The following EMC3 variants were observed in gnomAD, a reference collection of about 807,000 sequenced individuals.
EMC3 encodes the protein ER membrane protein complex subunit 3, also known as 30 kDa protein.
EMC3 carries 13 observed loss-of-function variants against 36.6 expected under a neutral mutation model. The ratio of observed to expected loss-of-function variants is 0.35; its 90% CI spans 0.23 to 0.56. EMC3 has a LOEUF of 0.56. EMC3 is among the 20% of genes least tolerant of loss of function. The probability of loss-of-function intolerance (pLI) is 0.84; values close to 1 mark genes in which losing one functional copy is unlikely to be tolerated. For synonymous variants in EMC3, 120 were observed against 111.9 expected (o/e 1.07, Z -0.46); for missense variants, 220 against 324.5 (o/e 0.68, Z 2.47).
At chr3:10,007,341 C>T in intron 1 of EMC3, 1 of 1,336,046 alleles carries the variant, frequency 7.5e-7, no homozygotes, top group South Asian at 1.2e-5. Context: ...CTGCCTGTGT[C>T]AATCATGCTG....
At chr3:9,980,761 A>T (rs749685265) in intron 1 of EMC3, among the ~76,000 whole-genome samples, 1 of 152,070 alleles carries the variant, frequency 6.6e-6, no homozygotes, top group Non-Finnish European at 1.5e-5. Context: ...CCTAAGCACT[A>T]GATTAATAGT....
chr3:10,005,699 C>T (rs745616348), intron 1 of EMC3, among the ~76,000 whole-genome samples: 13 of 152,284 alleles, frequency 8.5e-5, no homozygotes, highest in African/African-American at 2.4e-4. Flanking sequence ...TGATACCATA[C>T]GAAGAGCCAC....
At chr3:9,997,665 G>A (rs2086143733) in intron 1 of EMC3, among the ~76,000 whole-genome samples, 1 of 151,530 alleles carries the variant, frequency 6.6e-6, no homozygotes, top group Non-Finnish European at 1.5e-5. Flanking sequence ...TCATCATGTT[G>A]GCCAGGCTGG....
At chr3:10,000,826 C>T (rs2086189756) in intron 1 of EMC3, 2 of 491,912 alleles carry the variant, frequency 4.1e-6, no homozygotes, top group South Asian at 1.5e-5. Flanking sequence ...AACAGCCTGA[C>T]CTGTCTTCCG....
chr3:10,004,619 G>A (rs933088201), intron 1 of EMC3: 1 of 152,294 alleles, frequency 6.6e-6, no homozygotes, highest in Admixed American at 6.5e-5. Flanking sequence ...TTGCCCTTGG[G>A]AGTCCTGTTT....
At chr3:9,970,111 CA>C (rs911001154) in intron 6 of EMC3, among the ~76,000 whole-genome samples, 28 of 152,324 alleles carry the variant, frequency 1.8e-4, no homozygotes, top group African/African-American at 6.3e-4. Flanking sequence ...TATTTTTCCT[CA>C]TCTGTTCCTA....
chr3:9,981,582 G>C (rs928543281), intron 1 of EMC3: 5 of 236,310 alleles, frequency 2.1e-5, no homozygotes, highest in Non-Finnish European at 4.3e-5. Context: ...TGCAACTGAA[G>C]GACATCTTTT....
chr3:9,966,856 A>C (rs2085740699), intron 7 of EMC3, among the ~76,000 whole-genome samples: 1 of 152,206 alleles, frequency 6.6e-6, no homozygotes, highest in African/African-American at 2.4e-5. Context: ...ATTAAGGTGT[A>C]AGCCACTGCG....
chr3:9,977,563 G>T, intron 1 of EMC3, 117 bp from the exon 2 acceptor site: 1 of 782,770 alleles, frequency 1.3e-6, no homozygotes, highest in Non-Finnish European at 2.0e-6. Flanking sequence ...CAACAGCTCT[G>T]TGTGGAAACT....
rs769033573 is a variant in EMC3 at position 9,976,985 on chromosome 3, C to T, written c.279G>A (p.Arg93=). The change falls in exon 3 of 8, where the codon CGG becomes CGA. Residue 93 remains arginine, a synonymous_variant. Coordinates refer to ENST00000245046, the MANE Select transcript of EMC3 (RefSeq NM_001394674.1). ...TCATAGGAGAAGGTGGCACTACCTT[C>T]CGTTTAGTTTTTTTGAAAAATCCAT... The part of the protein sequence containing the change: ...PEDGFFKKTK[R]KVVPPSPMTD... 5.6e-6 allele frequency: 9 copies of T among 1,612,642 alleles called. No homozygotes were observed. The Admixed American group carries it at 1.5e-4, about 27-fold the overall frequency.
rs917442284 is a variant in EMC3, at chr3:9,982,058, C to T, written c.155+4449G>A. On this transcript the variant is annotated intron_variant, in intron 1 of 7. Coordinates refer to ENST00000245046, the MANE Select transcript of EMC3 (RefSeq NM_001394674.1). ...CTCTGCCTCCTGGGTTCAAGAGATT[C>T]TCCTGCCTCAGCCCGCAGAGTAGCT... is the stretch of plus-strand genomic sequence containing the variant. Among the ~76,000 whole-genome samples, 4 of 149,766 alleles carry T rather than the reference C, an allele frequency of 2.7e-5. No homozygotes were observed. In the Admixed American group the frequency reaches 2.7e-4, roughly 10 times the overall value.
At chr3:9,988,126 G>A (rs2086001131), upstream of EMC3, 1 of 547,996 alleles carries the variant, frequency 1.8e-6, no homozygotes, top group South Asian at 2.0e-5. Context: ...GTACTATTAT[G>A]ATATTTACAT....
At chr3:9,973,196 G>T (rs868298950) in intron 5 of EMC3, among the ~76,000 whole-genome samples, 39 of 148,254 alleles carry the variant, frequency 2.6e-4, no homozygotes, top group Middle Eastern at 3.5e-3. Context: ...TTTTTTGTTT[G>T]TTTGTTTGTT....
At chr3:9,991,496 T>C (rs1254067499), upstream of EMC3, among the ~76,000 whole-genome samples, 3 of 152,144 alleles carry the variant, frequency 2.0e-5, no homozygotes, top group African/African-American at 7.2e-5. Flanking sequence ...AAAAGCAGAA[T>C]CTTAACTATG....
chr3:10,000,718 T>G (rs2086188330), intron 1 of EMC3: 1 of 477,168 alleles, frequency 2.1e-6, no homozygotes, highest in Non-Finnish European at 4.2e-6. Context: ...CAAAGATCAT[T>G]TTTCTTCCAT....
chr3:10,007,257 T>G, intron 1 of EMC3: 1 of 1,200,710 alleles, frequency 8.3e-7, no homozygotes, highest in Non-Finnish European at 1.1e-6. Flanking sequence ...TCCCACACAT[T>G]GTTCATGGCT....
chr3:10,008,258 T>C (rs1459127012), intron 1 of EMC3: 25 of 514,252 alleles, frequency 4.9e-5, no homozygotes, highest in Non-Finnish European at 7.8e-5. Context: ...TTTCTGGCTG[T>C]GACCTGTGGT....
At chr3:10,003,666 G>C (rs1308401577) in intron 1 of EMC3, 1 of 196,078 alleles carries the variant, frequency 5.1e-6, no homozygotes, top group Non-Finnish European at 1.1e-5. Context: ...TCTCCAGAGA[G>C]TGATAAGTAT....
rs2086113215 is a variant in EMC3 at position 9,995,624 on chromosome 3, A to C, written c.-241-8722T>G. Among the ~76,000 whole-genome samples the C allele has an allele frequency of 4.0e-5, 6 of 151,450 alleles. No individual in the cohort carries two copies. The Admixed American group carries it at 4.0e-4, about 10-fold the overall frequency. On this transcript the variant is annotated intron_variant, in intron 1 of 8. Transcript: ENST00000470827. ...AAGCCAGCAGCCACATCCAGGTAAG[A>C]AGCAATATGTTGGGAAAGATTCTGT...
Sources: allele counts gnomAD v4.1 joint callset (sites outside exome capture counted in the v4.1 genomes callset), GRCh38; gene constraint gnomAD v4.1.1; transcripts MANE v1.5; gene names NCBI Gene and HGNC (gene_info 2026-07-23, HGNC 2026-07-21).